TRAF3: variants seen among roughly 807,000 people sequenced by gnomAD.
TRAF3 encodes TNF receptor associated factor 3.
TRAF3 carries 13 observed loss-of-function variants against 62.3 expected under a neutral mutation model. That is an observed-to-expected ratio of 0.21 (90% CI 0.14 to 0.33). TRAF3 has a LOEUF of 0.33. Among genes scored for constraint, TRAF3 ranks in the 10% least tolerant of loss-of-function variants. TRAF3 has a pLI of 1.00. For synonymous variants in TRAF3, 269 were observed against 283.4 expected (o/e 0.95, Z 0.51); for missense variants, 440 against 741.8 (o/e 0.59, Z 4.73).
intron 1 of TRAF3, among the ~76,000 whole-genome samples, chr14:102,805,581 C>T (rs141158146): frequency 6.6e-6 from 1 of 152,288 alleles, no homozygotes; most frequent in East Asian, 1.9e-4. Flanking sequence ...GGTTCTCCTC[C>T]CTGCTGGTGA....
At chr14:102,789,829 C>CT (rs1007078462) in intron 1 of TRAF3, among the ~76,000 whole-genome samples, 12 of 147,350 alleles carry the variant, frequency 8.1e-5, no homozygotes, top group South Asian at 2.2e-4. Flanking sequence ...TTTTTTTCTT[C>CT]TTTTTTTTGA....
chr14:102,863,556 G>A (rs1887801776), intron 2 of TRAF3, among the ~76,000 whole-genome samples: 1 of 152,322 alleles, frequency 6.6e-6, no homozygotes, highest in African/African-American at 2.4e-5. Context: ...TCAGCCAGAG[G>A]TGAAAGCCTA....
chr14:102,896,391 G>A (rs1195167376), intron 9 of TRAF3, among the ~76,000 whole-genome samples: 6 of 152,134 alleles, frequency 3.9e-5, no homozygotes, highest in African/African-American at 1.4e-4. Context: ...GTCTAAATGA[G>A]AGTGCATCGT....
At chr14:102,802,491 G>A (rs914466449) in intron 1 of TRAF3, among the ~76,000 whole-genome samples, 15 of 149,444 alleles carry the variant, frequency 1.0e-4, no homozygotes, top group African/African-American at 3.4e-4. Context: ...AGCAGAAGTT[G>A]TGTTAGAAGG....
intron 1 of TRAF3, among the ~76,000 whole-genome samples, chr14:102,790,251 A>G (rs1267070202): frequency 1.3e-5 from 2 of 152,170 alleles, no homozygotes; most frequent in Non-Finnish European, 2.9e-5. Flanking sequence ...TAGTTTTCCC[A>G]GCACCATTTA....
chr14:102,791,328 A>T (rs1049438514), intron 1 of TRAF3, among the ~76,000 whole-genome samples: 1 of 151,988 alleles, frequency 6.6e-6, no homozygotes, highest in South Asian at 2.1e-4. Flanking sequence ...TGAACTTGGG[A>T]TGTCTTTTCA....
At chr14:102,877,779 T>C (rs1029391716) in intron 6 of TRAF3, among the ~76,000 whole-genome samples, 8 of 151,478 alleles carry the variant, frequency 5.3e-5, no homozygotes, top group African/African-American at 1.9e-4. Flanking sequence ...GCTCAGCTCA[T>C]AGATAATCCA....
chr14:102,787,781 C>A (rs1328570577), intron 1 of TRAF3, among the ~76,000 whole-genome samples: 2 of 151,878 alleles, frequency 1.3e-5, no homozygotes, highest in South Asian at 2.1e-4. Context: ...AATTAAACAG[C>A]CCATGCTGTT....
intron 7 of TRAF3, among the ~76,000 whole-genome samples, chr14:102,887,566 A>G (rs1490542640): frequency 6.6e-6 from 1 of 152,140 alleles, no homozygotes. Context: ...TCCTCTGTTA[A>G]TGTATAAAGA....
chr14:102,816,997 A>AG (rs1899575152), intron 1 of TRAF3, among the ~76,000 whole-genome samples: 1 of 152,144 alleles, frequency 6.6e-6, no homozygotes, highest in African/African-American at 2.4e-5. Context: ...CATGTGAGGA[A>AG]GGGGGTCCTT....
chr14:102,889,690 T>A, intron 8 of TRAF3, 56 bp downstream of exon 8: 1 of 1,578,330 alleles, frequency 6.3e-7, no homozygotes, highest in Non-Finnish European at 8.7e-7. Flanking sequence ...TGAGAGAAAG[T>A]TATTATATTA....
chr14:102,875,600 A>G lies in TRAF3; in HGVS notation c.298-24A>G, dbSNP rs113608648. On this transcript the variant is annotated intron_variant, in intron 4 of 11. Coordinates refer to ENST00000392745, the MANE Select transcript of TRAF3 (RefSeq NM_145725.3). ...GGAGATTAAGAAATATTAATCCTCC[A>G]AAATAATGATCTTTCATTTTCAGGT... is the stretch of plus-strand genomic sequence containing the variant. 43 of 1,601,178 alleles carry G rather than the reference A, an allele frequency of 2.7e-5. 4 individuals carry two copies. In the African/African-American group the frequency reaches 2.8e-4, roughly 10 times the overall value.
At chr14:102,810,578 ATGC>A (rs1248413479) in intron 1 of TRAF3, 1 of 152,244 alleles carries the variant, frequency 6.6e-6, no homozygotes, top group African/African-American at 2.4e-5. Context: ...GGTATTTGAC[ATGC>A]AGATGGGCCC....
chr14:102,780,627 C>T (rs1259904237), intron 1 of TRAF3, among the ~76,000 whole-genome samples: 1 of 151,678 alleles, frequency 6.6e-6, no homozygotes, highest in Non-Finnish European at 1.5e-5. Flanking sequence ...TGGTTTCTAT[C>T]AACTTTAGGA....
intron 1 of TRAF3, among the ~76,000 whole-genome samples, chr14:102,780,824 A>T (rs1897244452): frequency 6.6e-6 from 1 of 152,156 alleles, no homozygotes; most frequent in Admixed American, 6.5e-5. Flanking sequence ...ATTTGCAGGG[A>T]TATAGGCCAT....
chr14:102,790,641 C>T (rs1897739943), intron 1 of TRAF3, among the ~76,000 whole-genome samples: 1 of 152,080 alleles, frequency 6.6e-6, no homozygotes, highest in African/African-American at 2.4e-5. Flanking sequence ...GAACAGCACC[C>T]CCACGATTCA....
At chr14:102,845,726 C>T (rs1322541085) in intron 2 of TRAF3, among the ~76,000 whole-genome samples, 5 of 151,142 alleles carry the variant, frequency 3.3e-5, no homozygotes, top group Admixed American at 6.6e-5. Context: ...CCGTGTTAGC[C>T]AGGATGGTCT....
At chr14:102,828,453 G>A (rs1900460253) in intron 1 of TRAF3, among the ~76,000 whole-genome samples, 1 of 152,184 alleles carries the variant, frequency 6.6e-6, no homozygotes, top group Admixed American at 6.5e-5. Context: ...TGAATGCTGT[G>A]GCTGGCACAG....
At chr14:102,787,665 T>G (rs1226601590) in intron 1 of TRAF3, among the ~76,000 whole-genome samples, 1 of 152,074 alleles carries the variant, frequency 6.6e-6, no homozygotes, top group East Asian at 1.9e-4. Context: ...GCAGCCTGGG[T>G]GACAGTGAGA....
Sources: allele counts gnomAD v4.1 joint callset (sites outside exome capture counted in the v4.1 genomes callset), GRCh38; gene constraint gnomAD v4.1.1; transcripts MANE v1.5; gene names NCBI Gene and HGNC (gene_info 2026-07-23, HGNC 2026-07-21).